The following DST variants were observed in gnomAD, a reference collection of about 807,000 sequenced individuals.
DST encodes the protein bullous pemphigoid antigen.
A neutral mutation model predicts 875.2 loss-of-function variants in DST; 253 were observed. That is an observed-to-expected ratio of 0.29 (90% CI 0.26 to 0.32). DST has a LOEUF of 0.32. Among genes scored for constraint, DST ranks in the 10% least tolerant of loss-of-function variants. The pLI is 1.00. For missense variants in DST, 8,287 were observed against 9,111.6 expected, an observed-to-expected ratio of 0.91 and a Z score of 3.68; for synonymous variants, 3,124 against 3,197.1, an observed-to-expected ratio of 0.98 and a Z score of 0.77.
rs369858396 is a variant in DST at position 56,954,484 on chromosome 6, A to C, written c.104T>G (p.Phe35Cys). Residue 35 changes from phenylalanine (F) to cysteine (C), a missense_variant, in exon 1 of 104, where the codon TTC (phenylalanine) becomes TGC (cysteine). Physicochemically the swap from Phe to Cys is radical, Grantham distance 205. Transcript: ENST00000680361. The part of the protein sequence containing the change: ...LLGTIATIVF[F>C]CCWHRKLQKG... Reference sequence around the variant, plus strand: ...CTGGAGCTTGCGGTGCCAGCAGCAGAAGAAGACGATGGTGGCGATGGTGCC... The same window carrying C: ...CTGGAGCTTGCGGTGCCAGCAGCAGCAGAAGACGATGGTGGCGATGGTGCC... 55 of 1,367,550 alleles carry C rather than the reference A, an allele frequency of 4.0e-5. No homozygotes were observed. Among genetic ancestry groups the C allele is most frequent in the South Asian group, 3.9e-4 (34 of 88,022 alleles). The allele number at this position is 1,367,550 out of a possible 1,614,324, so 84.7% of individuals were successfully genotyped here.
At position 56,603,535 on chromosome 6, in the gene DST, T is replaced by A. The variant is rs1452214786; in HGVS notation, c.10941+29A>T. On this transcript the variant is annotated intron_variant, in intron 41 of 103. Coordinates refer to ENST00000680361, the MANE Select transcript of DST (RefSeq NM_001374736.1). ...CCAGTCATACATCAGCTGACTACCA[T>A]CCATAAAGAGGCAGTAGACAATTCT... The A allele has an allele frequency of 1.9e-6, 3 of 1,596,210 alleles. No homozygotes were observed. In the East Asian group the frequency reaches 6.7e-5, roughly 36 times the overall value.
intron 39 of DST, among the ~76,000 whole-genome samples, chr6:56,609,600 T>C (rs1380430316): frequency 6.6e-6 from 1 of 152,162 alleles, no homozygotes; most frequent in Non-Finnish European, 1.5e-5. Flanking sequence ...CTTGATATCG[T>C]GTATATTGAC....
chr6:56,630,409 C>A, intron 30 of DST, 26 bp from the exon 31 acceptor site: 1 of 1,602,928 alleles, frequency 6.2e-7, no homozygotes, highest in Non-Finnish European at 8.5e-7. Context: ...AAACAATAGC[C>A]ACCTATGGTT....
intron 4 of DST, among the ~76,000 whole-genome samples, chr6:56,743,985 TAA>T (rs987927573): frequency 6.6e-6 from 1 of 151,630 alleles, no homozygotes; most frequent in Non-Finnish European, 1.5e-5. Flanking sequence ...CCATCTCTAC[TAA>T]AAATACAAAA....
chr6:56,463,082 T>C lies in DST; in HGVS notation c.23034A>G (p.Ala7678=). The C allele has an allele frequency of 6.2e-7, 1 of 1,613,794 alleles. No homozygotes were observed. Among genetic ancestry groups the C allele is most frequent in the Non-Finnish European group, 8.5e-7 (1 of 1,179,750 alleles). Residue 7678 remains alanine (A), a synonymous_variant, in exon 102 of 104, where the codon GCA becomes GCG. Coordinates refer to ENST00000680361, the MANE Select transcript of DST (RefSeq NM_001374736.1). ...TNSKMSTPCK[A]AECSDFPVPS... is the part of the protein sequence containing the mutation. ...GCACGGGAAAGTCTGAGCACTCTGC[T>C]GCTTTACAAGGAGTTGACATTTTGC...
intron 3 of DST, among the ~76,000 whole-genome samples, chr6:56,896,669 G>A (rs1227581947): frequency 6.6e-6 from 1 of 152,186 alleles, no homozygotes; most frequent in African/African-American, 2.4e-5. Context: ...GGAGTGAGGT[G>A]GTATCACCTT....
intron 2 of DST, among the ~76,000 whole-genome samples, chr6:56,939,275 A>C (rs991405909): frequency 6.6e-6 from 1 of 152,232 alleles, no homozygotes; most frequent in Non-Finnish European, 1.5e-5. Context: ...AAGTGACATT[A>C]AATAAGAAGG....
In DST at chr6:56,701,874, TC is replaced by T. The variant is rs1390535682; in HGVS notation, c.954+13del. The T allele has an allele frequency of 1.3e-6, 2 of 1,544,616 alleles. No individual in the cohort carries two copies. The highest frequency in any genetic ancestry group is 2.7e-5 in the African/African-American group (2 of 73,240). ...ATATATTTATATGATTACAGTATTT[TC>T]AAAACATCATACCTGGCGTCTTTTC... On this transcript the variant is annotated intron_variant, in intron 8 of 103. Coordinates refer to ENST00000680361, the MANE Select transcript of DST (RefSeq NM_001374736.1).
At chr6:56,562,278 A>C in intron 55 of DST, 78 bp from the exon 56 acceptor site, 1 of 908,542 alleles carries the variant, frequency 1.1e-6, no homozygotes, top group Non-Finnish European at 1.6e-6. Context: ...ATTAAATCAA[A>C]CCCCATCAAC....
intron 23 of DST, among the ~76,000 whole-genome samples, 155 bp downstream of exon 23, chr6:56,636,402 G>GTATA (rs375815463): frequency 6.7e-6 from 1 of 149,612 alleles, no homozygotes; most frequent in Non-Finnish European, 1.5e-5. Flanking sequence ...ACGTATGTGT[G>GTATA]TATATATATA....
chr6:56,516,480 T>C (rs959237262), intron 71 of DST, among the ~76,000 whole-genome samples: 1 of 152,284 alleles, frequency 6.6e-6, no homozygotes, highest in African/African-American at 2.4e-5. Context: ...GTGCATATCA[T>C]TACATTGTGC....
intron 49 of DST, among the ~76,000 whole-genome samples, chr6:56,587,380 G>A (rs371791427): frequency 6.6e-6 from 1 of 152,176 alleles, no homozygotes; most frequent in Non-Finnish European, 1.5e-5. Context: ...AAAAAGAAAC[G>A]AACAAAGCCT....
intron 2 of DST, among the ~76,000 whole-genome samples, chr6:56,931,890 A>G (rs2127763638): frequency 6.6e-6 from 1 of 152,218 alleles, no homozygotes; most frequent in African/African-American, 2.4e-5. Flanking sequence ...GGCAGAAGAG[A>G]TTTGCCTTGT....
intron 92 of DST, chr6:56,474,303 G>A: frequency 4.8e-6 from 1 of 210,100 alleles, no homozygotes. Context: ...GACCAATATG[G>A]TGAAACCCCA....
At chr6:56,580,032 G>A (rs1159157609) in intron 49 of DST, among the ~76,000 whole-genome samples, 1 of 152,224 alleles carries the variant, frequency 6.6e-6, no homozygotes, top group Non-Finnish European at 1.5e-5. Flanking sequence ...GACTGAGAAG[G>A]TGGAATTAGT....
At chr6:56,922,599 T>C (rs1353681727) in intron 2 of DST, among the ~76,000 whole-genome samples, 1 of 152,074 alleles carries the variant, frequency 6.6e-6, no homozygotes, top group African/African-American at 2.4e-5. Context: ...CCCTCTGTTT[T>C]TTTTGCCTTA....
chr6:56,606,214 T>A lies in DST; in HGVS notation c.8414A>T (p.Asp2805Val), dbSNP rs375421365. The A allele has an allele frequency of 1.9e-6, 3 of 1,571,424 alleles. No homozygotes were observed. The South Asian group carries it at 3.4e-5, about 18-fold the overall frequency. ...ATCAATGCCATCATCATCATCGTCA[T>A]CCTGATCATTACTGTCATATATATA... ...GDYIYDSNDQ[D>V]DDDDDGIDEE... Residue 2805 changes from aspartate to valine, a missense_variant, in exon 40 of 104, where the codon GAT (aspartate) becomes GTT (valine). This residue lies in a region of DST where 3,138 missense variants were observed against 3,116.6 expected (regional missense o/e 1.01). Coordinates refer to ENST00000680361, the MANE Select transcript of DST (RefSeq NM_001374736.1).
At chr6:56,529,872 T>G in intron 65 of DST, 98 bp from the exon 66 acceptor site, 2 of 1,476,836 alleles carry the variant, frequency 1.4e-6, no homozygotes, top group Non-Finnish European at 1.8e-6. Context: ...GTTAAATGGA[T>G]TTAGTTTGCA....
chr6:56,686,271 C>T (rs1172981620), intron 9 of DST, among the ~76,000 whole-genome samples: 6 of 151,730 alleles, frequency 4.0e-5, no homozygotes, highest in South Asian at 2.1e-4. Context: ...GATACAGAGA[C>T]GGAACAATAA....
Sources: allele counts gnomAD v4.1 joint callset (sites outside exome capture counted in the v4.1 genomes callset), GRCh38; gene constraint gnomAD v4.1.1; regional missense constraint gnomAD v4.1.1; transcripts MANE v1.5; gene names NCBI Gene and HGNC (gene_info 2026-07-23, HGNC 2026-07-21).